TRPV1: variants seen among roughly 807,000 people sequenced by gnomAD.
TRPV1 encodes the protein transient receptor potential cation channel subfamily V member 1.
TRPV1 carries 82 observed loss-of-function variants against 82.3 expected under a neutral mutation model. The observed-to-expected ratio is 1.00, with a 90% CI of 0.83 to 1.20. TRPV1 has a LOEUF of 1.20. TRPV1 is among the 50% of genes most tolerant of loss of function. The probability of loss-of-function intolerance (pLI) is 0.00; values close to 1 mark genes in which losing one functional copy is unlikely to be tolerated. For missense variants in TRPV1, 1,067 were observed against 1,096.8 expected (o/e 0.97, Z 0.38); for synonymous variants, 515 against 467.7 (o/e 1.10, Z -1.30).
chr17:3,595,327 G>C (rs570218532), intron 2 of TRPV1, among the ~76,000 whole-genome samples: 1 of 152,148 alleles, frequency 6.6e-6, no homozygotes. Context: ...ATGGAACCCG[G>C]ACTTGACCCC....
At chr17:3,580,557 A>G in intron 10 of TRPV1, 30 bp from the exon 11 acceptor site, 1 of 1,612,774 alleles carries the variant, frequency 6.2e-7, no homozygotes, top group Non-Finnish European at 8.5e-7. Flanking sequence ...GTAAGATCCC[A>G]GGCAATGCTC....
intron 9 of TRPV1, among the ~76,000 whole-genome samples, chr17:3,584,421 A>T (rs1332609249): frequency 3.7e-4 from 6 of 16,298 alleles, no homozygotes; most frequent in African/African-American, 1.1e-3. Context: ...AAAAAATAAA[A>T]TAAAAAAAAA....
At position 3,571,580 on chromosome 17, in the gene TRPV1, G is replaced by A. The variant is rs1307236271; in HGVS notation, c.2291C>T (p.Pro764Leu). Residue 764 changes from proline to leucine, a missense_variant, in exon 16 of 17, where the codon CCG (proline) becomes CTG (leucine). Transcript: ENST00000572705. ...NTNVGIINEDPGNCEGVKRTL... is the reference protein window; with the variant it reads ...NTNVGIINEDLGNCEGVKRTL... ...GCGCTTGACGCCCTCACAGTTGCCC[G>A]GGTCTTCGTTGATGATGCCCACGTT... 2.5e-6 allele frequency: 4 copies of A among 1,612,650 alleles called. No homozygotes were observed. Among genetic ancestry groups the A allele is most frequent in the Admixed American group, 1.7e-5 (1 of 59,864 alleles).
At chr17:3,580,900 T>G (rs1597526063) in intron 10 of TRPV1, among the ~76,000 whole-genome samples, 1 of 151,526 alleles carries the variant, frequency 6.6e-6, no homozygotes, top group African/African-American at 2.4e-5. Flanking sequence ...GCACCTGTAA[T>G]CCCAGCTACT....
At position 3,573,879 on chromosome 17, in the gene TRPV1, A is replaced by C. The variant is rs375458057; in HGVS notation, c.1857T>G (p.Pro619=). 9.8e-4 allele frequency: 1,557 copies of C among 1,593,092 alleles called. 36 individuals are homozygous for C. The East Asian group carries it at 0.023, about 24-fold the overall frequency. ...AGGAGCTATCGGGGGGCCTGCAGGC[A>C]GGCCCCCGCCACCTGTGCGACGTGG... is the stretch of plus-strand genomic sequence containing the variant. ...SESTSHRWRG[P]ACRPPDSSYN... The change falls in exon 14 of 17, where the codon CCT becomes CCG. Residue 619 remains proline (P), a synonymous_variant. Coordinates refer to ENST00000572705, the MANE Select transcript of TRPV1 (RefSeq NM_080704.4).
intron 3 of TRPV1, 21 bp downstream of exon 3, chr17:3,592,046 G>T: frequency 6.2e-7 from 1 of 1,603,154 alleles, no homozygotes; most frequent in Non-Finnish European, 8.5e-7. Flanking sequence ...GCAGGGAGGG[G>T]GGCTCCAGAC....
intron 7 of TRPV1, chr17:3,588,970 G>C: frequency 6.5e-7 from 1 of 1,535,352 alleles, no homozygotes; most frequent in Non-Finnish European, 8.7e-7. Context: ...ATAACCTCAA[G>C]CCAGAAAGAA....
intron 5 of TRPV1, 106 bp from the exon 6 acceptor site, chr17:3,590,498 C>A: frequency 6.7e-7 from 1 of 1,499,640 alleles, no homozygotes; most frequent in Non-Finnish European, 8.9e-7. Flanking sequence ...GCAGGAGGAA[C>A]TGGGCAGAAA....
rs2075150707 is a variant in TRPV1 at position 3,591,055 on chromosome 17, G to A, written c.513C>T (p.Asn171=). 2.5e-6 allele frequency: 4 copies of A among 1,613,094 alleles called. No homozygotes were observed. Among genetic ancestry groups the A allele is most frequent in the East Asian group, 2.2e-5 (1 of 44,882 alleles). Residue 171 remains asparagine (N), a synonymous_variant, in exon 5 of 17, where the codon AAC becomes AAT. Coordinates refer to ENST00000572705, the MANE Select transcript of TRPV1 (RefSeq NM_080704.4). ...KAMLNLHDGQ[N]TTIPLLLEIA... ...TCTCCAGGAGCAGGGGGATGGTGGT[G>A]TTCTGTCCGTCGTGCAGGTTGAGCA...
At position 3,580,539 on chromosome 17, in the gene TRPV1, CAGAG is replaced by C; in HGVS notation, c.1477-16_1477-13del. 1 of 1,613,970 alleles carries C rather than the reference CAGAG, an allele frequency of 6.2e-7. No homozygotes were observed. Among genetic ancestry groups the C allele is most frequent in the East Asian group, 2.2e-5 (1 of 44,888 alleles). ...AGGAAATACTGAATCTGCAGGTAAA[CAGAG>C]AGAGTAAGATCCCAGGCAATGCTCG... On this transcript the variant is annotated splice_polypyrimidine_tract_variant and intron_variant, in intron 10 of 16. Transcript: ENST00000572705.
In TRPV1 at chr17:3,566,995, G is replaced by GT; in HGVS notation, c.2348-9dup. 1 of 1,613,458 alleles carries GT rather than the reference G, an allele frequency of 6.2e-7. No individual in the cohort carries two copies. The highest frequency in any genetic ancestry group is 2.2e-5 in the East Asian group (1 of 44,878). The stretch of plus-strand genomic sequence containing the variant: ...TCCAGTGTCTGCCTGAAACTGAAGG[G>GT]TAACACTATTACTACCTTGGATGCA... On this transcript the variant is annotated splice_polypyrimidine_tract_variant and intron_variant, in intron 16 of 16. Coordinates refer to ENST00000572705, the MANE Select transcript of TRPV1 (RefSeq NM_080704.4).
Position 3,599,488 on chromosome 17 carries a change from A to G in TRPV1, c.-33-7105T>C, listed in dbSNP as rs1351231007. ...ACCATTCAACTTCCTGTCTTTATGA[A>G]TTTAACTATTCTAGGAGTCCTCTGG... On this transcript the variant is annotated intron_variant, in intron 2 of 16. Transcript: ENST00000572705. Among the ~76,000 whole-genome samples, 3 of 151,640 alleles carry G rather than the reference A, an allele frequency of 2.0e-5. No individual in the cohort carries two copies. In the East Asian group the frequency reaches 5.8e-4, roughly 29 times the overall value.
intron 16 of TRPV1, among the ~76,000 whole-genome samples, chr17:3,569,837 C>T (rs1364547687): frequency 6.6e-6 from 1 of 152,020 alleles, no homozygotes; most frequent in Admixed American, 6.5e-5. Context: ...CCCAGTACTA[C>T]TCAACCTTTA....
At chr17:3,603,364 C>T (rs2075277568) in intron 2 of TRPV1, among the ~76,000 whole-genome samples, 1 of 152,076 alleles carries the variant, frequency 6.6e-6, no homozygotes, top group Non-Finnish European at 1.5e-5. Context: ...TGTTCCAGGG[C>T]AGGGACTGGG....
At chr17:3,567,558 C>T (rs914080147) in intron 16 of TRPV1, among the ~76,000 whole-genome samples, 1 of 152,030 alleles carries the variant, frequency 6.6e-6, no homozygotes, top group African/African-American at 2.4e-5. Flanking sequence ...GACTTGCTTG[C>T]AGCCTCAGGA....
At chr17:3,592,707 C>T (rs2150850877) in intron 2 of TRPV1, 1 of 270,802 alleles carries the variant, frequency 3.7e-6, no homozygotes, top group South Asian at 6.6e-5. Flanking sequence ...TCAGGTGCCT[C>T]CTCTGCAGGG....
chr17:3,577,718 G>T lies in TRPV1; in HGVS notation c.1593C>A (p.Phe531Leu), dbSNP rs1306102745. 1.9e-6 allele frequency: 3 copies of T among 1,591,738 alleles called. No individual in the cohort carries two copies. The highest frequency in any genetic ancestry group is 1.7e-6 in the Non-Finnish European group (2 of 1,169,782). ...LFMLATVVLY[F>L]SHLKEYVASM... ...AAGCCACATACTCCTTGAGGTGGCTGAAGTACAGCACCACGGTGGCCAGCA... is the reference window on the plus strand; with the variant it reads ...AAGCCACATACTCCTTGAGGTGGCTTAAGTACAGCACCACGGTGGCCAGCA... The change falls in exon 12 of 17, where the codon TTC (phenylalanine) becomes TTA (leucine). Residue 531 changes from phenylalanine (F) to leucine (L), a missense_variant. By Grantham distance (22) the Phe-to-Leu change is conservative (BLOSUM62 0). Transcript: ENST00000572705.
At chr17:3,604,571 C>A (rs552293301) in intron 2 of TRPV1, among the ~76,000 whole-genome samples, 1 of 147,678 alleles carries the variant, frequency 6.8e-6, no homozygotes, top group African/African-American at 2.5e-5. Context: ...GCACTCTAGC[C>A]TGGGCAACAG....
chr17:3,568,125 ATCCTGGCTAACAT>A (rs1567655357), intron 16 of TRPV1, among the ~76,000 whole-genome samples: 3 of 152,126 alleles, frequency 2.0e-5, no homozygotes, highest in African/African-American at 7.2e-5. Context: ...GATCGAGACC[ATCCTGGCTAACAT>A]GGTGAAACCC....
Sources: allele counts gnomAD v4.1 joint callset (sites outside exome capture counted in the v4.1 genomes callset), GRCh38; gene constraint gnomAD v4.1.1; transcripts MANE v1.5; gene names NCBI Gene and HGNC (gene_info 2026-07-23, HGNC 2026-07-21).